Variants in NFATC2 observed in about 807,000 individuals in gnomAD.
NFATC2 encodes the protein nuclear factor of activated T-cells, cytoplasmic 2.
Under a neutral mutation model 87.3 loss-of-function variants are expected in NFATC2, and 22 were observed. The observed-to-expected ratio is 0.25, with a 90% CI of 0.18 to 0.36. The LOEUF (loss-of-function observed/expected upper bound fraction) is 0.36, where lower values mean the gene tolerates loss of function less well. Ranked by LOEUF, NFATC2 falls within the 10% of genes least tolerant of loss-of-function variation. NFATC2 has a pLI of 1.00. For missense variants in NFATC2, 1,149 were observed against 1,259.1 expected (o/e 0.91, Z 1.32); for synonymous variants, 565 against 542.2 (o/e 1.04, Z -0.58).
At chr20:51,422,949 C>T (rs1981171198) in intron 9 of NFATC2, among the ~76,000 whole-genome samples, 1 of 151,900 alleles carries the variant, frequency 6.6e-6, no homozygotes, top group African/African-American at 2.4e-5. Flanking sequence ...GAGAAACAGA[C>T]TACAGCTAGC....
intron 9 of NFATC2, among the ~76,000 whole-genome samples, chr20:51,426,904 C>G (rs1440510007): frequency 6.6e-6 from 1 of 152,056 alleles, no homozygotes; most frequent in African/African-American, 2.4e-5. Context: ...CATAATTAAG[C>G]ACTTTACATG....
rs1982976543 is a variant in NFATC2 at position 51,432,829 on chromosome 20, G to A, written c.2033-73C>T. On this transcript the variant is annotated intron_variant, in intron 8 of 10. Coordinates refer to ENST00000371564, the MANE Select transcript of NFATC2 (RefSeq NM_012340.5). This position sits in a 1 kb window ranked among gnomAD's most constrained non-coding sequence, Gnocchi z 4.6. The stretch of plus-strand genomic sequence containing the variant: ...GGATGTGCACGGAGGATTCGTGGAT[G>A]GTGCTTGAGAACATGGCCTTGGGAG... The A allele has an allele frequency of 7.4e-7, 1 of 1,356,878 alleles. No individual in the cohort carries two copies. Among genetic ancestry groups the A allele is most frequent in the Non-Finnish European group, 9.8e-7 (1 of 1,023,206 alleles). The allele number at this position is 1,356,878 out of a possible 1,614,324, so 84.1% of individuals were successfully genotyped here.
intron 1 of NFATC2, among the ~76,000 whole-genome samples, chr20:51,534,847 T>G (rs1214965210): frequency 6.6e-6 from 1 of 152,180 alleles, no homozygotes; most frequent in Non-Finnish European, 1.5e-5. Flanking sequence ...TTCTCGAATG[T>G]CCCATAAATA....
chr20:51,416,380 G>A (rs1244042873), intron 9 of NFATC2, among the ~76,000 whole-genome samples: 2 of 152,232 alleles, frequency 1.3e-5, no homozygotes, highest in Non-Finnish European at 2.9e-5. Context: ...CTCTGCCTGG[G>A]TAGGGCACAG....
rs779421529 is a variant in NFATC2, at chr20:51,562,533, G to C, written c.70+27C>G. On this transcript the variant is annotated intron_variant, in intron 1 of 10. Coordinates refer to the NFATC2 transcript ENST00000414705. This position sits in a 1 kb window ranked among gnomAD's most constrained non-coding sequence, Gnocchi z 5.8. ...AGGGCCGGGAGGAGCGAGCGGAAAAGGCTGGAAGGGATCGAGAGTCAGTTA... is the reference window on the plus strand; with the variant it reads ...AGGGCCGGGAGGAGCGAGCGGAAAACGCTGGAAGGGATCGAGAGTCAGTTA... The C allele has an allele frequency of 1.3e-6, 2 of 1,542,840 alleles. No individual in the cohort carries two copies. The highest frequency in any genetic ancestry group is 1.4e-5 in the African/African-American group (1 of 73,028).
rs556060763 is a variant in NFATC2, at chr20:51,523,975, G to C, written c.266C>G (p.Pro89Arg). Residue 89 changes from proline (P) to arginine (R), a missense_variant, in exon 2 of 11, where the codon CCG (proline) becomes CGG (arginine). By Grantham distance (103) the Pro-to-Arg change is moderately radical. This residue lies in a region of NFATC2 where 563 missense variants were observed against 585.2 expected (regional missense o/e 0.96). Coordinates refer to ENST00000371564, the MANE Select transcript of NFATC2 (RefSeq NM_012340.5). This position sits in a 1 kb window ranked among gnomAD's most constrained non-coding sequence, Gnocchi z 6.9. ...SGEPPGRFGE[P>R]DRVGPQKFLS... ...AAACTTCTGCGGCCCTACCCTATCCGGCTCTCCGAATCGGCCGGGGGGCTC... is the reference window on the plus strand; with the variant it reads ...AAACTTCTGCGGCCCTACCCTATCCCGCTCTCCGAATCGGCCGGGGGGCTC... 1 of 1,579,416 alleles carries C rather than the reference G, an allele frequency of 6.3e-7. No homozygotes were observed. The highest frequency in any genetic ancestry group is 8.6e-7 in the Non-Finnish European group (1 of 1,169,068).
chr20:51,540,425 A>T (rs2076788493), intron 1 of NFATC2, among the ~76,000 whole-genome samples: 1 of 152,160 alleles, frequency 6.6e-6, no homozygotes, highest in African/African-American at 2.4e-5. Flanking sequence ...CAATACAACC[A>T]ACACTCCTCA....
intron 3 of NFATC2, among the ~76,000 whole-genome samples, chr20:51,508,821 A>T (rs374920254): frequency 2.6e-5 from 4 of 151,674 alleles, no homozygotes; most frequent in Admixed American, 6.6e-5. Flanking sequence ...TCTGACTCTA[A>T]CCCCTTCTCC....
intron 1 of NFATC2, among the ~76,000 whole-genome samples, chr20:51,561,456 A>G (rs544078627): frequency 1.6e-5 from 2 of 122,688 alleles, no homozygotes; most frequent in African/African-American, 3.1e-5. Flanking sequence ...AGAAAGAAAG[A>G]AAGAAAGAAA....
intron 1 of NFATC2, among the ~76,000 whole-genome samples, chr20:51,538,980 T>C (rs2076763541): frequency 6.6e-6 from 1 of 152,108 alleles, no homozygotes; most frequent in Non-Finnish European, 1.5e-5. Flanking sequence ...CCTAACACAA[T>C]AGTTCAGAAC....
At chr20:51,543,975 A>ATTTTTTTTTTTTTTTTTT (rs11473264), upstream of NFATC2, among the ~76,000 whole-genome samples, 20 of 72,978 alleles carry the variant, frequency 2.7e-4, 1 homozygote, top group South Asian at 6.3e-4. Flanking sequence ...AGAATTCCTA[A>ATTTTTTTTTTTTTTTTTT]TTTTTTTTTT....
chr20:51,441,022 C>T (rs1984261882), intron 6 of NFATC2, among the ~76,000 whole-genome samples: 1 of 152,212 alleles, frequency 6.6e-6, no homozygotes, highest in Non-Finnish European at 1.5e-5. Flanking sequence ...GTGGTTCACA[C>T]CTGTAATCCC....
At chr20:51,494,418 C>T (rs533103593) in intron 3 of NFATC2, among the ~76,000 whole-genome samples, 5 of 152,090 alleles carry the variant, frequency 3.3e-5, no homozygotes, top group South Asian at 2.1e-4. Context: ...AGTGGAAATG[C>T]GGCACACGTC....
intron 1 of NFATC2, among the ~76,000 whole-genome samples, chr20:51,549,265 TG>T (rs1218377852): frequency 6.6e-5 from 3 of 45,778 alleles, no homozygotes; most frequent in East Asian, 2.2e-3. Context: ...TTGGTTTTTT[TG>T]TTTGTTTGTT....
At chr20:51,551,971 G>A (rs898594494) in intron 1 of NFATC2, among the ~76,000 whole-genome samples, 1 of 151,728 alleles carries the variant, frequency 6.6e-6, no homozygotes, top group Non-Finnish European at 1.5e-5. Flanking sequence ...AGCTTGCAGT[G>A]AGCTGAGATC....
intron 9 of NFATC2, 194 bp from the exon 10 acceptor site, chr20:51,398,924 G>A (rs781702964): frequency 1.7e-6 from 1 of 572,152 alleles, no homozygotes; most frequent in Non-Finnish European, 3.1e-6. Flanking sequence ...TAATAATCAT[G>A]GAGATGAGGG....
rs1003331237 is a variant in NFATC2, at chr20:51,423,875, A to G, written c.2722+8192T>C. Reference sequence around the variant, plus strand: ...TTCTGACCTCCAAATGCAAGTGCACATTCCTTTGGAAACACTTGCTTTGCA... The same window carrying G: ...TTCTGACCTCCAAATGCAAGTGCACGTTCCTTTGGAAACACTTGCTTTGCA... On this transcript the variant is annotated intron_variant, in intron 9 of 10. Transcript: ENST00000371564. Among the ~76,000 whole-genome samples, 6 of 152,334 alleles carry G rather than the reference A, an allele frequency of 3.9e-5. No homozygotes were observed. In the South Asian group the frequency reaches 1.2e-3, roughly 32 times the overall value.
intron 3 of NFATC2, among the ~76,000 whole-genome samples, chr20:51,496,166 G>T (rs1360225169): frequency 6.6e-6 from 1 of 152,138 alleles, no homozygotes; most frequent in Non-Finnish European, 1.5e-5. Context: ...CCAAAGGGAG[G>T]ATCGAAGCGC....
chr20:51,484,074 T>C (rs1225223656), intron 3 of NFATC2, among the ~76,000 whole-genome samples: 2 of 152,030 alleles, frequency 1.3e-5, no homozygotes, highest in Non-Finnish European at 2.9e-5. Flanking sequence ...CTGGCCCTGC[T>C]TCTCCATCTC....
Sources: allele counts gnomAD v4.1 joint callset (sites outside exome capture counted in the v4.1 genomes callset), GRCh38; gene constraint gnomAD v4.1.1; regional missense constraint gnomAD v4.1.1; non-coding constraint Gnocchi (gnomAD v3.1); transcripts MANE v1.5; gene names NCBI Gene and HGNC (gene_info 2026-07-23, HGNC 2026-07-21).